The following SLC35E2B variants were observed in gnomAD, a reference collection of about 807,000 sequenced individuals.
SLC35E2B encodes solute carrier family 35, member E2B.
SLC35E2B carries 18 observed loss-of-function variants against 32.4 expected under a neutral mutation model. The observed-to-expected ratio is 0.56, with a 90% confidence interval of 0.38 to 0.82. The LOEUF is 0.82. Ranked by LOEUF, SLC35E2B falls within the 40% of genes least tolerant of loss-of-function variation. SLC35E2B has a pLI of 0.00. For synonymous variants in SLC35E2B, 132 were observed against 209.1 expected (o/e 0.63, Z 3.18); for missense variants, 263 against 469.5 (o/e 0.56, Z 4.06).
At position 1,676,567 on chromosome 1, in the gene SLC35E2B, TC is replaced by T; in HGVS notation, c.132del (p.Ser45AlafsTer10). 1.5e-6 allele frequency: 1 copy of T among 686,438 alleles called. No homozygotes were observed. The highest frequency in any genetic ancestry group is 2.7e-5 in the Admixed American group (1 of 37,240). 42.5% of individuals were successfully genotyped at this position (686,438 alleles called of 1,614,324 possible). On this transcript the variant is annotated frameshift_variant, in exon 3 of 10. Transcript: ENST00000617444. LOFTEE classifies it high-confidence loss of function. ...ACGTTCTCATCTGTGCCGCCGTCGC[TC>T]TTGGCAAAAACAATCTTCTCACTTC... ...GHRSEKIVFA[K>X]SDGGTDENVL...
intron 7 of SLC35E2B, 35 bp from the exon 8 acceptor site, chr1:1,669,771 C>T (rs773717700): frequency 5.2e-5 from 81 of 1,546,544 alleles, no homozygotes; most frequent in Non-Finnish European, 6.6e-5. Context: ...CCCCCCGTGT[C>T]GGGACAGGCC....
chr1:1,673,623 T>C (rs548164812), intron 5 of SLC35E2B, among the ~76,000 whole-genome samples: 32 of 151,460 alleles, frequency 2.1e-4, no homozygotes, highest in East Asian at 1.2e-3. Context: ...TGAGCCAAGA[T>C]TGCGCCACTG....
chr1:1,681,649 G>C (rs889152450), intron 2 of SLC35E2B, among the ~76,000 whole-genome samples: 1 of 151,630 alleles, frequency 6.6e-6, no homozygotes, highest in Non-Finnish European at 1.5e-5. Flanking sequence ...TGGAATTATA[G>C]GCATGCGCCA....
rs1307713363 is a variant in SLC35E2B, at chr1:1,667,742, GA to G, written c.980+584del. 4.6e-5 allele frequency among the ~76,000 whole-genome samples: 7 copies of G among 152,244 alleles called. No homozygotes were observed. The East Asian group carries it at 1.4e-3, about 29-fold the overall frequency. ...TCGCAACGCCCGACTATTCTAGACA[GA>G]AAAGCACTCAATTTCAAAAACCTTC... On this transcript the variant is annotated intron_variant, in intron 9 of 9. Coordinates refer to ENST00000617444, the MANE Select transcript of SLC35E2B (RefSeq NM_001290264.2).
chr1:1,664,113 G>C lies in SLC35E2B; in HGVS notation c.*1669C>G, dbSNP rs1339971631. On this transcript the variant is annotated 3_prime_UTR_variant, in exon 10 of 10. Coordinates refer to ENST00000617444, the MANE Select transcript of SLC35E2B (RefSeq NM_001290264.2). ...TGGGAGGATCATTTGAGCCCAGGAAGTCGAGGCTGCAGTGAGCCAAGATCA... is the reference window on the plus strand; with the variant it reads ...TGGGAGGATCATTTGAGCCCAGGAACTCGAGGCTGCAGTGAGCCAAGATCA... 1.2e-5 allele frequency: 6 copies of C among 493,818 alleles called. No individual in the cohort carries two copies. The African/African-American group carries it at 1.2e-4, about 10-fold the overall frequency. 30.6% of individuals were successfully genotyped at this position (493,818 alleles called of 1,614,324 possible).
Position 1,665,714 on chromosome 1 carries a change from G to A in SLC35E2B, c.*68C>T, listed in dbSNP as rs1318121398. 3.3e-6 allele frequency: 5 copies of A among 1,525,624 alleles called. No individual in the cohort carries two copies. In the Admixed American group the frequency reaches 1.0e-4, roughly 30 times the overall value. 94.5% of individuals were successfully genotyped at this position (1,525,624 alleles called of 1,614,324 possible). A position where few individuals can be genotyped will look rare whatever the true frequency, so the allele number is the denominator to read the frequency against. On this transcript the variant is annotated 3_prime_UTR_variant, in exon 10 of 10. Transcript: ENST00000617444. ...TGCACCCCAGCAGGGCCATGGAGGA[G>A]GGCGTCCCTGCCCATTTCTGGGGGA... is the stretch of plus-strand genomic sequence containing the variant.
intron 9 of SLC35E2B, among the ~76,000 whole-genome samples, chr1:1,666,820 T>C (rs1643558694): frequency 6.8e-6 from 1 of 147,882 alleles, no homozygotes; most frequent in African/African-American, 2.5e-5. Context: ...CCCAGCACTG[T>C]GGAGGCCGGG....
chr1:1,682,660 A>C (rs1287865851), intron 2 of SLC35E2B, among the ~76,000 whole-genome samples: 2 of 152,106 alleles, frequency 1.3e-5, no homozygotes, highest in Admixed American at 1.3e-4. Flanking sequence ...GACGGGCCCC[A>C]GGGGAAAGCA....
At chr1:1,675,299 C>A (rs1456743950) in intron 5 of SLC35E2B, among the ~76,000 whole-genome samples, 164 bp downstream of exon 5, 1 of 150,346 alleles carries the variant, frequency 6.7e-6, no homozygotes, top group South Asian at 2.1e-4. Flanking sequence ...TCCAAGACAC[C>A]CCCGCACATG....
chr1:1,674,331 A>T (rs1428938071), intron 5 of SLC35E2B: 1 of 152,498 alleles, frequency 6.6e-6, no homozygotes, highest in East Asian at 1.9e-4. Context: ...GCAAGGTCCA[A>T]ACTTTTTCTG....
At chr1:1,671,431 C>G in intron 6 of SLC35E2B, 78 bp downstream of exon 6, 2 of 1,305,864 alleles carry the variant, frequency 1.5e-6, no homozygotes, top group Non-Finnish European at 2.0e-6. Flanking sequence ...ATTCTCAGCT[C>G]ACCTGAGAAT....
In SLC35E2B at chr1:1,666,410, C is replaced by T. The variant is rs573542056; in HGVS notation, c.981-391G>A. Among the ~76,000 whole-genome samples the T allele has an allele frequency of 3.3e-5, 5 of 152,326 alleles. No individual in the cohort carries two copies. The East Asian group carries it at 7.7e-4, about 23-fold the overall frequency. ...ATCCGCCTCATCAGCTTCATCCAAT[C>T]GAGGTGGGTCTCACTATGTAGCCCA... On this transcript the variant is annotated intron_variant, in intron 9 of 9. Coordinates refer to ENST00000617444, the MANE Select transcript of SLC35E2B (RefSeq NM_001290264.2).
chr1:1,685,269 C>G (rs1049347371), intron 2 of SLC35E2B, among the ~76,000 whole-genome samples: 2 of 151,350 alleles, frequency 1.3e-5, no homozygotes. Context: ...CAAAAAAGTA[C>G]AAAAATTAGG....
intron 2 of SLC35E2B, among the ~76,000 whole-genome samples, chr1:1,689,814 C>A (rs1170223750): frequency 6.6e-6 from 1 of 150,786 alleles, no homozygotes; most frequent in Non-Finnish European, 1.5e-5. Context: ...TGGTGAAACC[C>A]TGTTTCTACT....
intron 5 of SLC35E2B, chr1:1,672,238 C>T (rs116292968): frequency 0.013 from 2,015 of 152,450 alleles, 25 homozygotes; most frequent in Non-Finnish European, 0.023. Flanking sequence ...GTCCCGGCTA[C>T]TGGGGAGGCT....
In SLC35E2B at chr1:1,666,297, AG is replaced by A. The variant is rs551365482; in HGVS notation, c.981-279del. Among the ~76,000 whole-genome samples, 11 of 152,040 alleles carry A rather than the reference AG, an allele frequency of 7.2e-5. No homozygotes were observed. In the South Asian group the frequency reaches 2.3e-3, roughly 32 times the overall value. ...CTGCTCCCTCGTCCCTTCTTTTTTG[AG>A]GGGTACTTTTCATTATTAAAAAAGG... On this transcript the variant is annotated intron_variant, in intron 9 of 9. Transcript: ENST00000617444.
Position 1,665,541 on chromosome 1 carries a change from G to T in SLC35E2B, c.*241C>A. The T allele has an allele frequency of 1.6e-6, 1 of 630,554 alleles. No homozygotes were observed. Among genetic ancestry groups the T allele is most frequent in the Non-Finnish European group, 2.7e-6 (1 of 371,424 alleles). 39.1% of individuals were successfully genotyped at this position (630,554 alleles called of 1,614,324 possible). On this transcript the variant is annotated 3_prime_UTR_variant, in exon 10 of 10. Transcript: ENST00000617444. The stretch of plus-strand genomic sequence containing the variant: ...CTCAGAGGCTGTTTTCACATTACAC[G>T]GGGATGGGCTCGGCGGACACAGTCA...
intron 2 of SLC35E2B, among the ~76,000 whole-genome samples, chr1:1,682,367 A>C (rs1243724167): frequency 6.6e-6 from 1 of 152,154 alleles, no homozygotes; most frequent in Non-Finnish European, 1.5e-5. Context: ...AGCAAACACC[A>C]AAAGAATGCC....
chr1:1,669,258 C>T (rs1348278240), intron 8 of SLC35E2B, among the ~76,000 whole-genome samples: 1 of 151,872 alleles, frequency 6.6e-6, no homozygotes, highest in Non-Finnish European at 1.5e-5. Flanking sequence ...ACTTGGGAAG[C>T]TGAGGCAGGA....
Sources: gnomAD v4.1 joint callset for allele counts (sites outside exome capture counted in the v4.1 genomes callset) on GRCh38, gnomAD v4.1.1 for gene constraint, MANE v1.5 for transcripts, NCBI Gene and HGNC (gene_info 2026-07-23, HGNC 2026-07-21) for gene names.